MNAT1: variants seen among roughly 807,000 people sequenced by gnomAD.
MNAT1 encodes CDK-activating kinase assembly factor MAT1.
Under a neutral mutation model 42.0 loss-of-function variants are expected in MNAT1, and 43 were observed. The ratio of observed to expected loss-of-function variants is 1.02; its 90% CI spans 0.80 to 1.32. MNAT1 has a LOEUF of 1.32. Ranked by LOEUF, MNAT1 falls within the 40% of genes most tolerant of loss-of-function variation. The probability of loss-of-function intolerance (pLI) is 0.00; values close to 1 mark genes in which losing one functional copy is unlikely to be tolerated. For synonymous variants in MNAT1, 118 were observed against 120.0 expected (o/e 0.98, Z 0.11); for missense variants, 306 against 350.4 (o/e 0.87, Z 1.01).
At chr14:60,809,093 G>A (rs951424114) in intron 4 of MNAT1, 32 of 152,152 alleles carry the variant, frequency 2.1e-4, no homozygotes, top group African/African-American at 7.0e-4. Context: ...AAAATTGTAT[G>A]CATGCAAAGG....
At chr14:60,897,259 T>C (rs2034976356) in intron 7 of MNAT1, among the ~76,000 whole-genome samples, 1 of 152,170 alleles carries the variant, frequency 6.6e-6, no homozygotes, top group Admixed American at 6.5e-5. Context: ...TACTACATGA[T>C]GAAATATTTA....
intron 7 of MNAT1, among the ~76,000 whole-genome samples, chr14:60,944,604 A>G (rs569112888): frequency 3.1e-4 from 47 of 152,316 alleles, no homozygotes; most frequent in African/African-American, 1.1e-3. Flanking sequence ...AGAATCAAAC[A>G]TTTAATGTTA....
At chr14:60,757,342 T>G (rs1028878747) in intron 1 of MNAT1, among the ~76,000 whole-genome samples, 2 of 152,156 alleles carry the variant, frequency 1.3e-5, no homozygotes, top group Non-Finnish European at 1.5e-5. Flanking sequence ...TATGAAAATT[T>G]TATCTAAATG....
At chr14:60,798,911 T>G (rs1210453099) in intron 3 of MNAT1, among the ~76,000 whole-genome samples, 1 of 152,192 alleles carries the variant, frequency 6.6e-6, no homozygotes, top group African/African-American at 2.4e-5. Context: ...ATCATTTTTA[T>G]TCTTTCAAAC....
At chr14:60,886,587 AT>A in intron 7 of MNAT1, among the ~76,000 whole-genome samples, 1 of 152,088 alleles carries the variant, frequency 6.6e-6, no homozygotes, top group South Asian at 2.1e-4. Flanking sequence ...ATATATCAAT[AT>A]TAGTATAAAG....
intron 6 of MNAT1, among the ~76,000 whole-genome samples, chr14:60,821,789 G>C (rs1404510338): frequency 6.6e-6 from 1 of 152,004 alleles, no homozygotes; most frequent in Non-Finnish European, 1.5e-5. Flanking sequence ...GTGTTCTGTG[G>C]CATAACTTTA....
intron 1 of MNAT1, among the ~76,000 whole-genome samples, chr14:60,776,940 CG>C (rs56232128): frequency 0.58 from 88,651 of 151,784 alleles, 28,134 homozygotes; most frequent in Non-Finnish European, 0.69. Context: ...CTTGACTTCC[CG>C]GGCTCAGGTG....
chr14:60,800,308 G>T (rs2032161363), intron 3 of MNAT1, among the ~76,000 whole-genome samples: 2 of 152,232 alleles, frequency 1.3e-5, no homozygotes, highest in East Asian at 3.9e-4. Flanking sequence ...CAGCACTTTG[G>T]GAGGCCAAGG....
intron 7 of MNAT1, among the ~76,000 whole-genome samples, chr14:60,903,057 CTG>C (rs2035105896): frequency 6.6e-6 from 1 of 151,312 alleles, no homozygotes; most frequent in African/African-American, 2.4e-5. Flanking sequence ...ATTCTAATAA[CTG>C]TAGTTTCTTT....
chr14:60,960,647 G>T (rs1309795992), intron 7 of MNAT1, among the ~76,000 whole-genome samples: 1 of 151,960 alleles, frequency 6.6e-6, no homozygotes, highest in Non-Finnish European at 1.5e-5. Context: ...CTATTTCTCT[G>T]TGAGGGCATC....
At chr14:60,786,454 G>T (rs1465943756) in intron 1 of MNAT1, among the ~76,000 whole-genome samples, 1 of 151,966 alleles carries the variant, frequency 6.6e-6, no homozygotes, top group Non-Finnish European at 1.5e-5. Context: ...AGACTTTTTG[G>T]TGTTAGTAAC....
chr14:60,884,240 T>G (rs190210440), intron 7 of MNAT1, among the ~76,000 whole-genome samples: 4 of 152,168 alleles, frequency 2.6e-5, no homozygotes, highest in African/African-American at 9.6e-5. Flanking sequence ...TAAATTCCTT[T>G]TATACCCAGG....
chr14:60,857,103 A>G (rs2139427109), intron 6 of MNAT1, among the ~76,000 whole-genome samples: 1 of 152,322 alleles, frequency 6.6e-6, no homozygotes, highest in East Asian at 1.9e-4. Context: ...GGCTTGCTGA[A>G]TATTTGAAGC....
chr14:60,961,065 T>G (rs1455792325), intron 7 of MNAT1, among the ~76,000 whole-genome samples: 2 of 152,090 alleles, frequency 1.3e-5, no homozygotes, highest in Admixed American at 6.5e-5. Flanking sequence ...CGGGTTCAAG[T>G]GATTCTCCTG....
chr14:60,735,628 A>T (rs1395069131), intron 1 of MNAT1, among the ~76,000 whole-genome samples: 2 of 152,208 alleles, frequency 1.3e-5, no homozygotes, highest in African/African-American at 4.8e-5. Flanking sequence ...CAGGGAAGGA[A>T]ATCGAGACTG....
At chr14:60,749,649 T>C (rs1013130376) in intron 1 of MNAT1, among the ~76,000 whole-genome samples, 1 of 152,196 alleles carries the variant, frequency 6.6e-6, no homozygotes, top group Non-Finnish European at 1.5e-5. Flanking sequence ...AGTAAATCTA[T>C]GAATTCAAGT....
rs151158085 is a variant in MNAT1 at position 60,944,399 on chromosome 14, A to G, written c.810-23830A>G. ...CTTATAAGAACAGCTACCAGAGAAC[A>G]AACTTGCTGTCTCTCTGCCACGTGA... On this transcript the variant is annotated intron_variant, in intron 7 of 7. Coordinates refer to ENST00000261245, the MANE Select transcript of MNAT1 (RefSeq NM_002431.4). Among the ~76,000 whole-genome samples the G allele has an allele frequency of 6.9e-3, 1,053 of 152,334 alleles. 16 individuals are homozygous for G. Among genetic ancestry groups the G allele is most frequent in the African/African-American group, 0.023 (960 of 41,568 alleles).
chr14:60,815,947 T>C (rs2032701521), intron 5 of MNAT1, among the ~76,000 whole-genome samples: 1 of 152,190 alleles, frequency 6.6e-6, no homozygotes, highest in South Asian at 2.1e-4. Flanking sequence ...GACTAATGAA[T>C]TCATTAAATT....
chr14:60,831,103 CTTT>C (rs35645256), intron 6 of MNAT1, among the ~76,000 whole-genome samples: 4 of 138,746 alleles, frequency 2.9e-5, no homozygotes, highest in Non-Finnish European at 1.6e-5. Flanking sequence ...TCTTTTGTTC[CTTT>C]TTTTTTTTTT....
Sources: gnomAD v4.1 joint callset for allele counts (sites outside exome capture counted in the v4.1 genomes callset) on GRCh38, gnomAD v4.1.1 for gene constraint, MANE v1.5 for transcripts, NCBI Gene and HGNC (gene_info 2026-07-23, HGNC 2026-07-21) for gene names.